The following SVEP1 variants were observed in gnomAD, a reference collection of about 807,000 sequenced individuals.
The protein encoded by SVEP1 is sushi, von Willebrand factor type A, EGF and pentraxin domain-containing protein 1.
In SVEP1, 164 loss-of-function variants were observed where a neutral mutation model predicts 367.3. The ratio of observed to expected loss-of-function variants is 0.45; its 90% CI spans 0.39 to 0.51. SVEP1 has a LOEUF of 0.51. Ranked by LOEUF, SVEP1 falls within the 20% of genes least tolerant of loss-of-function variation. The pLI is 0.00. For synonymous variants in SVEP1, 1,666 were observed against 1,611.6 expected (o/e 1.03, Z -0.81); for missense variants, 4,117 against 4,425.3 (o/e 0.93, Z 1.98).
At chr9:110,413,635 T>C (rs1828077371) in intron 36 of SVEP1, among the ~76,000 whole-genome samples, 1 of 152,052 alleles carries the variant, frequency 6.6e-6, no homozygotes, top group Non-Finnish European at 1.5e-5. Context: ...CCAGTCGTTA[T>C]GCACAGATGT....
intron 46 of SVEP1, among the ~76,000 whole-genome samples, chr9:110,372,798 G>C (rs1827298201): frequency 6.6e-6 from 1 of 152,176 alleles, no homozygotes. Context: ...GTGATGGTAG[G>C]ATAACAAGTG....
intron 9 of SVEP1, among the ~76,000 whole-genome samples, chr9:110,489,228 G>C (rs1002569454): frequency 2.6e-5 from 4 of 152,122 alleles, no homozygotes; most frequent in African/African-American, 9.7e-5. Flanking sequence ...AGTGGTCTCT[G>C]GGGTTCTGGA....
chr9:110,472,974 T>C (rs1829044476), intron 14 of SVEP1, among the ~76,000 whole-genome samples: 1 of 152,168 alleles, frequency 6.6e-6, no homozygotes. Flanking sequence ...TCAAGTTACT[T>C]TCATCTTTCT....
chr9:110,478,078 T>G (rs1220103170), intron 13 of SVEP1, among the ~76,000 whole-genome samples: 1 of 152,196 alleles, frequency 6.6e-6, no homozygotes, highest in Admixed American at 6.5e-5. Flanking sequence ...CTGACATCTT[T>G]ACGGTGGTTC....
chr9:110,554,632 A>G (rs1564175267), intron 1 of SVEP1, among the ~76,000 whole-genome samples: 2 of 152,188 alleles, frequency 1.3e-5, no homozygotes, highest in Non-Finnish European at 1.5e-5. Context: ...TCCTTCTGGC[A>G]AAATAAAGGT....
intron 5 of SVEP1, among the ~76,000 whole-genome samples, chr9:110,508,102 T>C (rs1564162472): frequency 6.6e-6 from 1 of 152,256 alleles, no homozygotes; most frequent in Non-Finnish European, 1.5e-5. Context: ...TTTCAACTTA[T>C]ATTTTTTTCA....
intron 1 of SVEP1, among the ~76,000 whole-genome samples, chr9:110,551,331 T>C (rs1473407991): frequency 1.3e-5 from 2 of 152,222 alleles, no homozygotes; most frequent in Non-Finnish European, 2.9e-5. Flanking sequence ...TAGTATATAA[T>C]CAGTGGGTAT....
intron 10 of SVEP1, among the ~76,000 whole-genome samples, chr9:110,483,005 C>A (rs1829218248): frequency 1.3e-5 from 2 of 152,132 alleles, no homozygotes; most frequent in Non-Finnish European, 1.5e-5. Flanking sequence ...TTTTGACAAA[C>A]AACTGATTTT....
rs1588117128 is a variant in SVEP1, at chr9:110,579,702, A to G, written c.-159T>C. ...TTCATCTGACACTGGGGACAGACACAATCCAGACTCCTCAGCAGCTCGGGA... is the reference window on the plus strand; with the variant it reads ...TTCATCTGACACTGGGGACAGACACGATCCAGACTCCTCAGCAGCTCGGGA... On this transcript the variant is annotated 5_prime_UTR_variant, in exon 1 of 48. Transcript: ENST00000374469. The surrounding 1 kb of genome is among the most constrained non-coding windows in gnomAD (Gnocchi z 5.3). 1.3e-5 allele frequency: 11 copies of G among 844,844 alleles called. No homozygotes were observed. The highest frequency in any genetic ancestry group is 1.9e-5 in the Non-Finnish European group (11 of 589,230). 52.3% of individuals were successfully genotyped at this position (844,844 alleles called of 1,614,324 possible). A position where few individuals can be genotyped will look rare whatever the true frequency, so the allele number is the denominator to read the frequency against.
Position 110,371,173 on chromosome 9 carries a change from A to T in SVEP1, c.10601-1157T>A, listed in dbSNP as rs1264859851. Among the ~76,000 whole-genome samples, 3 of 152,212 alleles carry T rather than the reference A, an allele frequency of 2.0e-5. No homozygotes were observed. The East Asian group carries it at 5.8e-4, about 29-fold the overall frequency. On this transcript the variant is annotated intron_variant, in intron 46 of 47. Coordinates refer to ENST00000374469, the MANE Select transcript of SVEP1 (RefSeq NM_153366.4). ...TAGCAATCTAATGGGAAAGAAAATT[A>T]TGAAACAAATCAGGATTAAAACAAG... is the stretch of plus-strand genomic sequence containing the variant.
chr9:110,375,448 G>C lies in SVEP1; in HGVS notation c.10520C>G (p.Pro3507Arg). ...RLCEEPICIL[P>R]CLNGGRCVAP... ...CACACAGCGACCTCCGTTCAGACAG[G>C]GAAGAATGCAGATTGCTAAAAAAAA... Residue 3507 changes from proline to arginine, a missense_variant, in exon 46 of 48, where the codon CCC (proline) becomes CGC (arginine). By Grantham distance (103) the Pro-to-Arg change is moderately radical (BLOSUM62 -2). Coordinates refer to ENST00000374469, the MANE Select transcript of SVEP1 (RefSeq NM_153366.4). 1.0e-6 allele frequency: 1 copy of C among 974,614 alleles called. No individual in the cohort carries two copies. The highest frequency in any genetic ancestry group is 1.5e-6 in the Non-Finnish European group (1 of 681,586). The allele number at this position is 974,614 out of a possible 1,614,324, so 60.4% of individuals were successfully genotyped here. A position where few individuals can be genotyped will look rare whatever the true frequency, so the allele number is the denominator to read the frequency against.
Position 110,451,282 on chromosome 9 carries a change from A to T in SVEP1, c.3901+7T>A. ...AAGACAACATAGGAAGACTGGAAACATCTTACCTACAAATCCTTTCACACA... is the reference window on the plus strand; with the variant it reads ...AAGACAACATAGGAAGACTGGAAACTTCTTACCTACAAATCCTTTCACACA... On this transcript the variant is annotated splice_region_variant and intron_variant, in intron 23 of 47. Coordinates refer to ENST00000374469, the MANE Select transcript of SVEP1 (RefSeq NM_153366.4). 1.9e-6 allele frequency: 3 copies of T among 1,609,894 alleles called. No individual in the cohort carries two copies. The highest frequency in any genetic ancestry group is 2.2e-5 in the East Asian group (1 of 44,844).
intron 7 of SVEP1, among the ~76,000 whole-genome samples, chr9:110,497,817 T>C (rs1368612215): frequency 6.6e-6 from 1 of 152,256 alleles, no homozygotes; most frequent in African/African-American, 2.4e-5. Context: ...CTTCTGTAAC[T>C]TCTGGCTGAA....
At position 110,407,326 on chromosome 9, in the gene SVEP1, T is replaced by C. The variant is rs1415905806; in HGVS notation, c.8274A>G (p.Leu2758=). 6.2e-7 allele frequency: 1 copy of C among 1,613,858 alleles called. No individual in the cohort carries two copies. The highest frequency in any genetic ancestry group is 1.3e-5 in the African/African-American group (1 of 74,930). ...ILAGSDLRLC[L]ENRKWSGASP... ...AGGCACCACTCCACTTTCTATTCTCTAGACAAAGCCTTAAGTCAGAGCCTG... is the reference window on the plus strand; with the variant it reads ...AGGCACCACTCCACTTTCTATTCTCCAGACAAAGCCTTAAGTCAGAGCCTG... Residue 2758 remains leucine, a synonymous_variant, in exon 38 of 48, where the codon CTA becomes CTG. Transcript: ENST00000374469.
At chr9:110,386,935 G>A (rs1488199506) in intron 42 of SVEP1, among the ~76,000 whole-genome samples, 1 of 151,264 alleles carries the variant, frequency 6.6e-6, no homozygotes, top group Non-Finnish European at 1.5e-5. Context: ...CATATTAAAT[G>A]TATTTTCTTT....
In SVEP1 at chr9:110,566,323, A is replaced by ATAAT. The variant is rs1232170953; in HGVS notation, c.531+12686_531+12689dup. ...GGCAACAGAGCAAGATCCTGTCTCC[A>ATAAT]TAATAAATAAATAAATAAATAAATA... On this transcript the variant is annotated intron_variant, in intron 1 of 47. Transcript: ENST00000374469. 9.4e-4 allele frequency among the ~76,000 whole-genome samples: 122 copies of ATAAT among 129,682 alleles called. 1 individual carries two copies. Among genetic ancestry groups the ATAAT allele is most frequent in the African/African-American group, 2.2e-3 (76 of 33,800 alleles). The allele number at this position is 129,682 out of a possible 152,430, so 85.1% of individuals were successfully genotyped here.
intron 8 of SVEP1, among the ~76,000 whole-genome samples, chr9:110,496,378 G>A (rs535452654): frequency 1.3e-5 from 2 of 152,336 alleles, no homozygotes; most frequent in South Asian, 2.1e-4. Flanking sequence ...GGTGAGAAGA[G>A]CAGACCTGCT....
intron 9 of SVEP1, among the ~76,000 whole-genome samples, chr9:110,487,933 T>C (rs1829308312): frequency 6.6e-6 from 1 of 152,162 alleles, no homozygotes. Context: ...CACTACAGAT[T>C]GCTATGTAGC....
intron 1 of SVEP1, among the ~76,000 whole-genome samples, chr9:110,577,347 T>C (rs985893450): frequency 3.3e-5 from 5 of 152,100 alleles, no homozygotes; most frequent in African/African-American, 1.2e-4. Context: ...CATAAGCATT[T>C]AGCACATGAT....
Sources: gnomAD v4.1 joint callset for allele counts (sites outside exome capture counted in the v4.1 genomes callset) on GRCh38, gnomAD v4.1.1 for gene constraint, Gnocchi (gnomAD v3.1) non-coding constraint, MANE v1.5 for transcripts, NCBI Gene and HGNC (gene_info 2026-07-23, HGNC 2026-07-21) for gene names.